SCNN1B: variants seen among roughly 807,000 people sequenced by gnomAD.
SCNN1B encodes sodium channel epithelial 1 subunit beta.
In SCNN1B, 46 loss-of-function variants were observed where a neutral mutation model predicts 65.3. That is an observed-to-expected ratio of 0.70 (90% confidence interval 0.56 to 0.90). SCNN1B has a LOEUF of 0.90. Among genes scored for constraint, SCNN1B ranks in the 40% least tolerant of loss-of-function variants. The probability of loss-of-function intolerance (pLI) is 0.00; values close to 1 mark genes in which losing one functional copy is unlikely to be tolerated. For missense variants in SCNN1B, 751 were observed against 830.5 expected, an observed-to-expected ratio of 0.90 and a Z score of 1.18; for synonymous variants, 349 against 330.6, an observed-to-expected ratio of 1.06 and a Z score of -0.60.
At chr16:23,312,297 G>T (rs1961362054) in intron 1 of SCNN1B, among the ~76,000 whole-genome samples, 1 of 152,140 alleles carries the variant, frequency 6.6e-6, no homozygotes, top group Admixed American at 6.6e-5. Context: ...CAAGATTTGG[G>T]TGCAGAAGTC....
At chr16:23,349,074 C>T (rs922601282) in intron 2 of SCNN1B, among the ~76,000 whole-genome samples, 164 bp downstream of exon 2, 3 of 145,852 alleles carry the variant, frequency 2.1e-5, no homozygotes, top group Non-Finnish European at 3.0e-5. Context: ...ATTACTTTTC[C>T]TTCCTTCTTC....
Position 23,370,503 on chromosome 16 carries a change from C to T in SCNN1B, c.881-796C>T, listed in dbSNP as rs114047884. Among the ~76,000 whole-genome samples the T allele has an allele frequency of 5.2e-3, 791 of 152,284 alleles. 8 individuals are homozygous for T. The highest frequency in any genetic ancestry group is 0.018 in the African/African-American group (729 of 41,544). On this transcript the variant is annotated intron_variant, in intron 5 of 12. Transcript: ENST00000343070. Reference sequence around the variant, plus strand: ...TCCTAACCAGAGGGACTCAACTCCACGTAGCTCAGGACCGTGGTGCGTGGG... The same window carrying T: ...TCCTAACCAGAGGGACTCAACTCCATGTAGCTCAGGACCGTGGTGCGTGGG...
rs777888930 is a variant in SCNN1B, at chr16:23,371,350, C to A, written c.932C>A (p.Ala311Glu). 1 of 1,614,180 alleles carries A rather than the reference C, an allele frequency of 6.2e-7. No homozygotes were observed. Among genetic ancestry groups the A allele is most frequent in the Non-Finnish European group, 8.5e-7 (1 of 1,180,018 alleles). The change falls in exon 6 of 13, where the codon GCG (alanine) becomes GAG (glutamate). Residue 311 changes from alanine to glutamate, a missense_variant. By Grantham distance (107) the Ala-to-Glu change is moderately radical (BLOSUM62 -1). Coordinates refer to ENST00000343070, the MANE Select transcript of SCNN1B (RefSeq NM_000336.3). ...IGQEDYVPFL[A>E]STAGVRLMLH... Reference sequence around the variant, plus strand: ...CAGGAAGACTACGTCCCCTTCCTTGCGTCCACGGCCGGGGTCAGGCTGATG... The same window carrying A: ...CAGGAAGACTACGTCCCCTTCCTTGAGTCCACGGCCGGGGTCAGGCTGATG...
In SCNN1B at chr16:23,352,786, C is replaced by T. The variant is rs764814676; in HGVS notation, c.312-15C>T. 1.2e-6 allele frequency: 2 copies of T among 1,614,080 alleles called. No homozygotes were observed. The highest frequency in any genetic ancestry group is 1.1e-5 in the South Asian group (1 of 91,074). On this transcript the variant is annotated splice_polypyrimidine_tract_variant and intron_variant, in intron 2 of 12. Transcript: ENST00000343070. ...TATGCATTCCTTCCCCCTAACCAGC[C>T]CTCTCCCCATCCAGGTATTCCAAAA...
chr16:23,292,597 G>A (rs1960941825), intron 2 of SCNN1B, among the ~76,000 whole-genome samples: 1 of 151,824 alleles, frequency 6.6e-6, no homozygotes, highest in Non-Finnish European at 1.5e-5. Flanking sequence ...AATCTCCCCG[G>A]CTCAAGCAAT....
intron 1 of SCNN1B, among the ~76,000 whole-genome samples, chr16:23,320,291 C>CG (rs908077310): frequency 6.6e-6 from 1 of 152,132 alleles, no homozygotes; most frequent in African/African-American, 2.4e-5. Flanking sequence ...CCAGAGGCCT[C>CG]GGGGGAAGAC....
Position 23,378,229 on chromosome 16 carries a change from T to C in SCNN1B, c.1405-477T>C, listed in dbSNP as rs200758763. Reference sequence around the variant, plus strand: ...CTCGCTATGTTGCCCAGGCTGGTCTTGAACTCCTGGCCTTAAGCGATCCTC... The same window carrying C: ...CTCGCTATGTTGCCCAGGCTGGTCTCGAACTCCTGGCCTTAAGCGATCCTC... On this transcript the variant is annotated intron_variant, in intron 10 of 12. Coordinates refer to ENST00000343070, the MANE Select transcript of SCNN1B (RefSeq NM_000336.3). Among the ~76,000 whole-genome samples the C allele has an allele frequency of 6.6e-5, 10 of 152,290 alleles. No homozygotes were observed. The East Asian group carries it at 1.7e-3, about 26-fold the overall frequency.
chr16:23,335,319 TAGA>T (rs1332133481), intron 1 of SCNN1B, among the ~76,000 whole-genome samples: 1 of 152,238 alleles, frequency 6.6e-6, no homozygotes, highest in Admixed American at 6.5e-5. Flanking sequence ...TGTGACCTGG[TAGA>T]AGGACTGCAC....
chr16:23,346,324 C>G lies in SCNN1B; in HGVS notation c.-8-2268C>G, dbSNP rs111997118. On this transcript the variant is annotated intron_variant, in intron 1 of 12. Coordinates refer to ENST00000343070, the MANE Select transcript of SCNN1B (RefSeq NM_000336.3). ...CTCACTGCAACCTCCACCTCCCAGG[C>G]TAAAGCAGTTCTCCTGCCTCAGCCT... Among the ~76,000 whole-genome samples, 6 of 150,154 alleles carry G rather than the reference C, an allele frequency of 4.0e-5. 1 individual carries two copies. Among genetic ancestry groups the G allele is most frequent in the African/African-American group, 1.5e-4 (6 of 40,738 alleles).
At chr16:23,310,886 T>C (rs1961327062) in intron 1 of SCNN1B, among the ~76,000 whole-genome samples, 1 of 152,204 alleles carries the variant, frequency 6.6e-6, no homozygotes. Flanking sequence ...TCAGTGTTGG[T>C]GAAGATGCAG....
At chr16:23,313,412 C>T (rs979647955) in intron 1 of SCNN1B, among the ~76,000 whole-genome samples, 3 of 152,204 alleles carry the variant, frequency 2.0e-5, no homozygotes, top group Admixed American at 6.5e-5. Context: ...GACCCCTCTA[C>T]AAAGGATCTC....
At chr16:23,312,003 G>A (rs1264200581) in intron 1 of SCNN1B, among the ~76,000 whole-genome samples, 3 of 150,450 alleles carry the variant, frequency 2.0e-5, no homozygotes, top group African/African-American at 7.3e-5. Context: ...GGCTGATGTA[G>A]GGAGGGGGAG....
chr16:23,356,739 A>G (rs1181129248), intron 4 of SCNN1B, among the ~76,000 whole-genome samples: 1 of 152,198 alleles, frequency 6.6e-6, no homozygotes, highest in Non-Finnish European at 1.5e-5. Flanking sequence ...GGGTAATGGT[A>G]ACCCTGGAGG....
intron 1 of SCNN1B, among the ~76,000 whole-genome samples, chr16:23,305,581 A>ATATATATATATATATATATATAAATAT: frequency 3.0e-5 from 1 of 33,412 alleles, no homozygotes; most frequent in South Asian, 1.3e-3. Context: ...TATATATTAT[A>ATATATATATATATATATATATAAATAT]TATATATATA....
intron 4 of SCNN1B, among the ~76,000 whole-genome samples, chr16:23,362,155 G>A (rs1011658703): frequency 4.6e-5 from 7 of 151,914 alleles, no homozygotes; most frequent in African/African-American, 1.7e-4. Flanking sequence ...CACCGGTCTG[G>A]CCAACATGGC....
intron 1 of SCNN1B, among the ~76,000 whole-genome samples, chr16:23,342,533 C>T (rs1159068962): frequency 6.6e-6 from 1 of 152,228 alleles, no homozygotes; most frequent in Non-Finnish European, 1.5e-5. Flanking sequence ...AGGCATGAGC[C>T]ACTGTGCCCA....
chr16:23,349,976 G>A (rs1036206081), intron 2 of SCNN1B, among the ~76,000 whole-genome samples: 4 of 151,810 alleles, frequency 2.6e-5, no homozygotes, highest in African/African-American at 9.7e-5. Context: ...TACTTAGGAG[G>A]CTGAGGCACG....
intron 1 of SCNN1B, among the ~76,000 whole-genome samples, chr16:23,328,489 T>C (rs1298153441): frequency 1.3e-5 from 2 of 152,196 alleles, no homozygotes; most frequent in Admixed American, 6.5e-5. Flanking sequence ...TCCCTGAGAA[T>C]AGAAAGACAG....
chr16:23,294,634 G>C (rs919403126), intron 2 of SCNN1B, among the ~76,000 whole-genome samples: 2 of 152,072 alleles, frequency 1.3e-5, no homozygotes, highest in Non-Finnish European at 2.9e-5. Context: ...GATATCTGCA[G>C]AGCCAACCTC....
Sources: gnomAD v4.1 joint callset for allele counts (sites outside exome capture counted in the v4.1 genomes callset) on GRCh38, gnomAD v4.1.1 for gene constraint, MANE v1.5 for transcripts, NCBI Gene and HGNC (gene_info 2026-07-23, HGNC 2026-07-21) for gene names.